NDST1: variants seen among roughly 807,000 people sequenced by gnomAD.
The protein encoded by NDST1 is bifunctional heparan sulfate N-deacetylase/N-sulfotransferase 1.
NDST1 carries 35 observed loss-of-function variants against 92.8 expected under a neutral mutation model. The observed-to-expected ratio is 0.38, with a 90% CI of 0.29 to 0.50. NDST1 has a LOEUF of 0.50. Among genes scored for constraint, NDST1 ranks in the 20% least tolerant of loss-of-function variants. NDST1 has a pLI of 0.94. For synonymous variants in NDST1, 493 were observed against 500.3 expected, an observed-to-expected ratio of 0.99 and a Z score of 0.19; for missense variants, 822 against 1,182.7, an observed-to-expected ratio of 0.69 and a Z score of 4.47.
At chr5:150,526,677 T>TTAA (rs1754491233) in intron 2 of NDST1, among the ~76,000 whole-genome samples, 1 of 152,152 alleles carries the variant, frequency 6.6e-6, no homozygotes, top group Admixed American at 6.5e-5. Flanking sequence ...TTTAACATGG[T>TTAA]CTCAGGGAGG....
intron 14 of NDST1, chr5:150,552,475 TTTTTG>T (rs559512950): frequency 3.7e-5 from 6 of 163,904 alleles, no homozygotes; most frequent in East Asian, 1.8e-4. Context: ...CTTGCTTCTG[TTTTTG>T]TTTTGTTTTG....
At chr5:150,550,613 G>A (rs1345390282) in intron 13 of NDST1, 2 of 152,252 alleles carry the variant, frequency 1.3e-5, no homozygotes, top group Non-Finnish European at 2.9e-5. Flanking sequence ...CCCAAGAGAA[G>A]GAGGAATCAA....
chr5:150,499,008 A>G (rs1361123447), intron 1 of NDST1, among the ~76,000 whole-genome samples: 1 of 152,186 alleles, frequency 6.6e-6, no homozygotes, highest in African/African-American at 2.4e-5. Context: ...TTCCTTCCCC[A>G]GAAGAGCCTT....
rs192674891 is a variant in NDST1 at position 150,532,597 on chromosome 5, G to A, written c.1009-348G>A. Among the ~76,000 whole-genome samples, 28 of 152,108 alleles carry A rather than the reference G, an allele frequency of 1.8e-4. No individual in the cohort carries two copies. The East Asian group carries it at 4.3e-3, about 23-fold the overall frequency. On this transcript the variant is annotated intron_variant, in intron 3 of 14. Transcript: ENST00000261797. ...ATCTTGGCTCCAGTGGTGCGATCTC[G>A]GCTCACTGCACCTCCGCCTCCCGGG... is the stretch of plus-strand genomic sequence containing the variant.
chr5:150,553,665 C>T lies in NDST1; in HGVS notation c.*333C>T. The T allele has an allele frequency of 2.4e-6, 1 of 417,842 alleles. No individual in the cohort carries two copies. Among genetic ancestry groups the T allele is most frequent in the South Asian group, 2.1e-5 (1 of 47,906 alleles). The allele number at this position is 417,842 out of a possible 1,614,324, so 25.9% of individuals were successfully genotyped here. ...TGTTCCGCCGACTGTCCCCTCTCGTCACCCATCACTCCCTGCTTCCGCAGG... is the reference window on the plus strand; with the variant it reads ...TGTTCCGCCGACTGTCCCCTCTCGTTACCCATCACTCCCTGCTTCCGCAGG... On this transcript the variant is annotated 3_prime_UTR_variant, in exon 15 of 15. Coordinates refer to ENST00000261797, the MANE Select transcript of NDST1 (RefSeq NM_001543.5). This position sits in a 1 kb window ranked among gnomAD's most constrained non-coding sequence, Gnocchi z 4.2.
intron 1 of NDST1, among the ~76,000 whole-genome samples, chr5:150,501,014 C>A (rs553393245): frequency 6.6e-6 from 1 of 152,186 alleles, no homozygotes; most frequent in Non-Finnish European, 1.5e-5. Context: ...AATGAACCAT[C>A]GTCACAGCCA....
intron 3 of NDST1, 50 bp downstream of exon 3, chr5:150,528,348 T>G: frequency 1.3e-6 from 2 of 1,544,818 alleles, no homozygotes; most frequent in Non-Finnish European, 1.8e-6. Context: ...CCTGGCAAGC[T>G]TCAGCCTTCA....
intron 1 of NDST1, chr5:150,518,744 G>T (rs1365489228): frequency 6.6e-6 from 1 of 151,842 alleles, no homozygotes; most frequent in Non-Finnish European, 1.5e-5. Flanking sequence ...TATTGTAAAT[G>T]GCTGCCTAGG....
At chr5:150,519,620 G>A (rs1040790899) in intron 1 of NDST1, among the ~76,000 whole-genome samples, 2 of 152,116 alleles carry the variant, frequency 1.3e-5, no homozygotes. Flanking sequence ...CTGGGGAGGC[G>A]GAGGTGGCAG....
chr5:150,549,672 T>C lies in NDST1; in HGVS notation c.2317-6T>C. The C allele has an allele frequency of 6.2e-7, 1 of 1,600,576 alleles. No individual in the cohort carries two copies. Among genetic ancestry groups the C allele is most frequent in the Non-Finnish European group, 8.6e-7 (1 of 1,167,880 alleles). On this transcript the variant is annotated splice_region_variant and splice_polypyrimidine_tract_variant and intron_variant, in intron 12 of 14. Coordinates refer to ENST00000261797, the MANE Select transcript of NDST1 (RefSeq NM_001543.5). ...GCAGGTCCCGATCCCCTTTCTCCCT[T>C]TCCAGATTCTGGTCTTGGATGGCAA...
At chr5:150,533,114 G>T in intron 4 of NDST1, 82 bp downstream of exon 4, 1 of 1,386,506 alleles carries the variant, frequency 7.2e-7, no homozygotes, top group East Asian at 2.3e-5. Flanking sequence ...ATCCATGAGG[G>T]CAGCGGGTGG....
chr5:150,545,944 G>T (rs1468311575), intron 11 of NDST1, among the ~76,000 whole-genome samples: 1 of 152,004 alleles, frequency 6.6e-6, no homozygotes, highest in Non-Finnish European at 1.5e-5. Context: ...ACATGGAGAG[G>T]GTGTGGATCC....
At chr5:150,502,556 A>G in intron 1 of NDST1, among the ~76,000 whole-genome samples, 1 of 151,988 alleles carries the variant, frequency 6.6e-6, no homozygotes, top group Non-Finnish European at 1.5e-5. Flanking sequence ...TGGGTCCTGC[A>G]TGTTCCTGTT....
chr5:150,531,440 T>C (rs1315038342), intron 3 of NDST1, among the ~76,000 whole-genome samples: 1 of 152,082 alleles, frequency 6.6e-6, no homozygotes, highest in African/African-American at 2.4e-5. Context: ...GGGCCAGGAC[T>C]TTTAGTTTGT....
chr5:150,553,359 G>T lies in NDST1; in HGVS notation c.*27G>T, dbSNP rs202124867. ...CGTGGCCACCACAGCCAGACTGAAC[G>T]TTTGTGAAAGCTGGGACATCCCACC... On this transcript the variant is annotated 3_prime_UTR_variant, in exon 15 of 15. Transcript: ENST00000261797. This position sits in a 1 kb window ranked among gnomAD's most constrained non-coding sequence, Gnocchi z 4.2. The T allele has an allele frequency of 1.9e-6, 3 of 1,609,676 alleles. No individual in the cohort carries two copies. The South Asian group carries it at 3.3e-5, about 18-fold the overall frequency.
chr5:150,513,311 C>T (rs1394308090), intron 1 of NDST1, among the ~76,000 whole-genome samples: 1 of 150,706 alleles, frequency 6.6e-6, no homozygotes, highest in Non-Finnish European at 1.5e-5. Flanking sequence ...GGCAACATGG[C>T]GAAACCCCGT....
intron 1 of NDST1, among the ~76,000 whole-genome samples, chr5:150,514,668 G>T (rs1753880360): frequency 6.6e-6 from 1 of 152,060 alleles, no homozygotes; most frequent in Non-Finnish European, 1.5e-5. Flanking sequence ...TTTATTGTAG[G>T]AACCCTTGGG....
chr5:150,507,568 T>A (rs1753516475), upstream of NDST1: 1 of 152,468 alleles, frequency 6.6e-6, no homozygotes, highest in South Asian at 2.1e-4. Context: ...CCTTTCTTCC[T>A]TCTCTGCAGG....
upstream of NDST1, among the ~76,000 whole-genome samples, chr5:150,503,454 TAAAC>T (rs984453848): frequency 2.0e-5 from 3 of 151,858 alleles, no homozygotes; most frequent in Non-Finnish European, 2.9e-5. Flanking sequence ...CTCAAAAAAA[TAAAC>T]AAACAAAAAA....
Sources: allele counts gnomAD v4.1 joint callset (sites outside exome capture counted in the v4.1 genomes callset), GRCh38; gene constraint gnomAD v4.1.1; non-coding constraint Gnocchi (gnomAD v3.1); transcripts MANE v1.5; gene names NCBI Gene and HGNC (gene_info 2026-07-23, HGNC 2026-07-21).